The following AP1AR variants were observed in gnomAD, a reference collection of about 807,000 sequenced individuals.
AP1AR encodes the protein AP-1 complex-associated regulatory protein.
Under a neutral mutation model 46.3 loss-of-function variants are expected in AP1AR, and 29 were observed. The observed-to-expected ratio is 0.63, with a 90% CI of 0.47 to 0.85. The LOEUF is 0.85. Among genes scored for constraint, AP1AR ranks in the 40% least tolerant of loss-of-function variants. The probability of loss-of-function intolerance (pLI) is 0.00; values close to 1 mark genes in which losing one functional copy is unlikely to be tolerated. For missense variants in AP1AR, 357 were observed against 356.3 expected (o/e 1.00, Z -0.02); for synonymous variants, 122 against 122.9 (o/e 0.99, Z 0.05).
chr4:112,267,665 T>C (rs550851997), intron 9 of AP1AR, among the ~76,000 whole-genome samples: 1 of 152,070 alleles, frequency 6.6e-6, no homozygotes, highest in African/African-American at 2.4e-5. Flanking sequence ...TCCATAGAGT[T>C]GTTGGGGATT....
chr4:112,234,649 CTTATT>C (rs1427073044), intron 1 of AP1AR, among the ~76,000 whole-genome samples: 3 of 131,566 alleles, frequency 2.3e-5, no homozygotes, highest in African/African-American at 7.9e-5. Flanking sequence ...AGGTTAAACT[CTTATT>C]TTAGTTTTTT....
chr4:112,262,601 G>A (rs898099638), intron 5 of AP1AR, among the ~76,000 whole-genome samples: 7 of 152,162 alleles, frequency 4.6e-5, no homozygotes, highest in Admixed American at 4.6e-4. Flanking sequence ...GTTCACTTTG[G>A]TCACAGTGAC....
chr4:112,248,221 C>G (rs1443301930), intron 1 of AP1AR, among the ~76,000 whole-genome samples: 2 of 152,022 alleles, frequency 1.3e-5, no homozygotes, highest in African/African-American at 4.8e-5. Flanking sequence ...TGAAAACAGA[C>G]ACTGGTGCTG....
chr4:112,245,449 T>G (rs1244174493), intron 1 of AP1AR, among the ~76,000 whole-genome samples: 7 of 152,194 alleles, frequency 4.6e-5, no homozygotes, highest in Non-Finnish European at 7.4e-5. Flanking sequence ...CTTGGATATA[T>G]GTTGAAAAGA....
intron 1 of AP1AR, among the ~76,000 whole-genome samples, chr4:112,246,421 G>T (rs1288529950): frequency 6.6e-6 from 1 of 152,180 alleles, no homozygotes; most frequent in African/African-American, 2.4e-5. Context: ...CAGGAAAATC[G>T]CTTGAACCCA....
intron 5 of AP1AR, 21 bp from the exon 6 acceptor site, chr4:112,262,967 T>TA (rs1383813213): frequency 1.9e-6 from 3 of 1,573,474 alleles, no homozygotes; most frequent in Non-Finnish European, 2.6e-6. Context: ...TGTTAATCCT[T>TA]ATCGTTTTGT....
chr4:112,263,072 C>A lies in AP1AR; in HGVS notation c.367C>A (p.Arg123=), dbSNP rs1306100668. The change falls in exon 6 of 10, where the codon CGA becomes AGA. Residue 123 remains arginine (R), a synonymous_variant. Coordinates refer to ENST00000274000, the MANE Select transcript of AP1AR (RefSeq NM_018569.6). ...QREAARAAKQ[R]KLLEQERQRI... is the part of the protein sequence containing the mutation. ...TGAAGCAGCCAGGGCAGCAAAGCAGCGAAAGCTCTTGGAGGTGAGGGGAAA... is the reference window on the plus strand; with the variant it reads ...TGAAGCAGCCAGGGCAGCAAAGCAGAGAAAGCTCTTGGAGGTGAGGGGAAA... 6.2e-7 allele frequency: 1 copy of A among 1,613,466 alleles called. No homozygotes were observed. The highest frequency in any genetic ancestry group is 8.5e-7 in the Non-Finnish European group (1 of 1,179,670).
chr4:112,249,268 G>A (rs911647766), intron 1 of AP1AR, among the ~76,000 whole-genome samples: 2 of 151,726 alleles, frequency 1.3e-5, no homozygotes, highest in South Asian at 2.1e-4. Flanking sequence ...TCCAGCCTGG[G>A]CAACAAGAGC....
intron 1 of AP1AR, among the ~76,000 whole-genome samples, chr4:112,235,814 C>A (rs1226162179): frequency 6.6e-6 from 1 of 152,120 alleles, no homozygotes; most frequent in Non-Finnish European, 1.5e-5. Context: ...TGAACGTTGT[C>A]ACCAGAAGAA....
intron 1 of AP1AR, among the ~76,000 whole-genome samples, chr4:112,245,969 C>T (rs1330060421): frequency 6.6e-6 from 1 of 152,028 alleles, no homozygotes; most frequent in Non-Finnish European, 1.5e-5. Flanking sequence ...ACTCAATTTT[C>T]ACCTAAGATT....
chr4:112,259,516 G>C (rs940001926), intron 4 of AP1AR, among the ~76,000 whole-genome samples: 1 of 152,206 alleles, frequency 6.6e-6, no homozygotes, highest in African/African-American at 2.4e-5. Flanking sequence ...CACATAGTAA[G>C]TGCTAGGTAT....
Position 112,265,190 on chromosome 4 carries a change from C to T in AP1AR, c.440+123C>T, listed in dbSNP as rs975876897. The T allele has an allele frequency of 1.5e-5, 10 of 675,900 alleles. No individual in the cohort carries two copies. In the Admixed American group the frequency reaches 2.3e-4, roughly 16 times the overall value. 41.9% of individuals were successfully genotyped at this position (675,900 alleles called of 1,614,324 possible). A position where few individuals can be genotyped will look rare whatever the true frequency, so the allele number is the denominator to read the frequency against. On this transcript the variant is annotated intron_variant, in intron 7 of 9. Transcript: ENST00000274000. ...GTTTATGTGTTCCCTAAAAATTATT[C>T]CTTCTAAAAGACATTGTCTTGGAAG...
chr4:112,265,061 A>G lies in AP1AR; in HGVS notation c.434A>G (p.Tyr145Cys), dbSNP rs1426187424. Reference sequence around the variant, plus strand: ...TATCATCCTTCCAACAATGGAGAATATCAAAGGTAAATAGTGAAACATATG... The same window carrying G: ...TATCATCCTTCCAACAATGGAGAATGTCAAAGGTAAATAGTGAAACATATG... ...QQYHPSNNGE[Y>C]QSSGPEDDFE... Residue 145 changes from tyrosine to cysteine, a missense_variant, in exon 7 of 10, where the codon TAT becomes TGT. Around this residue, in one of 2 missense-constraint regions of AP1AR, gnomAD observed 269 missense variants for 223.6 expected, o/e 1.20. Coordinates refer to ENST00000274000, the MANE Select transcript of AP1AR (RefSeq NM_018569.6). The G allele has an allele frequency of 6.2e-7, 1 of 1,602,512 alleles. No homozygotes were observed.
chr4:112,245,586 CT>C (rs1725696948), intron 1 of AP1AR, among the ~76,000 whole-genome samples: 1 of 152,170 alleles, frequency 6.6e-6, no homozygotes, highest in African/African-American at 2.4e-5. Flanking sequence ...TCAATAGCCC[CT>C]TGTGGCTAAT....
intron 5 of AP1AR, among the ~76,000 whole-genome samples, chr4:112,262,351 T>C (rs1025796015): frequency 2.0e-5 from 3 of 152,210 alleles, no homozygotes; most frequent in Non-Finnish European, 4.4e-5. Flanking sequence ...TTCAAAAGCA[T>C]TAACGTAAGC....
chr4:112,236,350 G>A (rs1338217134), intron 1 of AP1AR, among the ~76,000 whole-genome samples: 1 of 149,922 alleles, frequency 6.7e-6, no homozygotes, highest in Non-Finnish European at 1.5e-5. Flanking sequence ...TCTTTCCTTT[G>A]CTCAGCAACT....
chr4:112,239,973 A>G (rs1166466429), intron 1 of AP1AR, among the ~76,000 whole-genome samples: 2 of 152,202 alleles, frequency 1.3e-5, no homozygotes, highest in East Asian at 3.8e-4. Flanking sequence ...GACCTTTTCC[A>G]ATTTATCCTG....
At chr4:112,238,038 A>G (rs1459812647) in intron 1 of AP1AR, among the ~76,000 whole-genome samples, 1 of 152,268 alleles carries the variant, frequency 6.6e-6, no homozygotes, top group East Asian at 1.9e-4. Flanking sequence ...CATAGACAGC[A>G]TTTCAACAAA....
At chr4:112,253,318 G>C (rs1406836086) in intron 2 of AP1AR, 62 bp downstream of exon 2, 1 of 1,272,092 alleles carries the variant, frequency 7.9e-7, no homozygotes, top group Non-Finnish European at 1.1e-6. Flanking sequence ...GGGGCTTTTT[G>C]TTGTAAAGAG....
Sources: gnomAD v4.1 joint callset for allele counts (sites outside exome capture counted in the v4.1 genomes callset) on GRCh38, gnomAD v4.1.1 for gene constraint, gnomAD v4.1.1 regional missense constraint, MANE v1.5 for transcripts, NCBI Gene and HGNC (gene_info 2026-07-23, HGNC 2026-07-21) for gene names.